ACSM1: variants seen among roughly 807,000 people sequenced by gnomAD.
ACSM1 encodes the protein acyl-coenzyme A synthetase ACSM1, mitochondrial.
ACSM1 carries 79 observed loss-of-function variants against 75.8 expected under a neutral mutation model. The observed-to-expected ratio is 1.04, with a 90% CI of 0.87 to 1.26. ACSM1 has a LOEUF of 1.26. ACSM1 is among the 50% of genes most tolerant of loss of function. The pLI is 0.00. For missense variants in ACSM1, 676 were observed against 720.1 expected (o/e 0.94, Z 0.70); for synonymous variants, 279 against 265.8 (o/e 1.05, Z -0.48).
In ACSM1 at chr16:20,685,547, C is replaced by T. The variant is rs183409660; in HGVS notation, c.193-144G>A. 2,022 of 773,176 alleles carry T rather than the reference C, an allele frequency of 2.6e-3. 8 individuals carry two copies. Among genetic ancestry groups the T allele is most frequent in the Non-Finnish European group, 3.7e-3 (1,698 of 461,046 alleles). 47.9% of individuals were successfully genotyped at this position (773,176 alleles called of 1,614,324 possible). On this transcript the variant is annotated intron_variant, in intron 2 of 13. Coordinates refer to ENST00000520010, the MANE Select transcript of ACSM1 (RefSeq NM_001318890.3). The stretch of plus-strand genomic sequence containing the variant: ...ATTTTAAAACATTTATACAGCCAGG[C>T]GCAGTGGCTCATGCTTGTAATTCCA...
intron 3 of ACSM1, 137 bp downstream of exon 3, chr16:20,685,056 T>C (rs2079521610): frequency 1.2e-6 from 1 of 827,186 alleles, no homozygotes; most frequent in Non-Finnish European, 2.0e-6. Flanking sequence ...CCTTGCTTTG[T>C]GGTCCCAGCA....
intron 9 of ACSM1, 104 bp downstream of exon 9, chr16:20,637,267 G>A: frequency 1.1e-6 from 1 of 920,934 alleles, no homozygotes; most frequent in Non-Finnish European, 1.8e-6. Context: ...GAGGAGGAAG[G>A]ATGACTGGAG....
intron 7 of ACSM1, among the ~76,000 whole-genome samples, chr16:20,661,096 G>A (rs941331864): frequency 2.6e-5 from 4 of 152,162 alleles, no homozygotes; most frequent in South Asian, 2.1e-4. Context: ...ACACCAGGGT[G>A]CATGTCCTAG....
chr16:20,637,527 G>A, intron 8 of ACSM1, 76 bp from the exon 9 acceptor site: 1 of 1,217,450 alleles, frequency 8.2e-7, no homozygotes, highest in Middle Eastern at 2.7e-4. Context: ...ATCATACACA[G>A]CATCCTCTGC....
chr16:20,675,051 G>A (rs895964851), intron 4 of ACSM1, among the ~76,000 whole-genome samples: 2 of 152,192 alleles, frequency 1.3e-5, no homozygotes, highest in Non-Finnish European at 2.9e-5. Context: ...TTTGCTGGCA[G>A]AATGGTAAGA....
chr16:20,670,511 A>C (rs1390186968), intron 5 of ACSM1, among the ~76,000 whole-genome samples: 2 of 152,186 alleles, frequency 1.3e-5, no homozygotes, highest in African/African-American at 4.8e-5. Flanking sequence ...ATCTTATCAA[A>C]ATACAAATTT....
chr16:20,642,261 T>C (rs1254657603), intron 7 of ACSM1, among the ~76,000 whole-genome samples: 3 of 152,200 alleles, frequency 2.0e-5, no homozygotes, highest in East Asian at 3.9e-4. Context: ...ACCTCAGATT[T>C]TGAATGTGAG....
chr16:20,658,077 T>C (rs1056571565), intron 7 of ACSM1, among the ~76,000 whole-genome samples: 14 of 152,196 alleles, frequency 9.2e-5, no homozygotes, highest in African/African-American at 3.4e-4. Context: ...TACATGTGCA[T>C]GTGTCTTTAT....
chr16:20,658,297 A>T (rs2019095087), intron 7 of ACSM1, among the ~76,000 whole-genome samples: 2 of 152,164 alleles, frequency 1.3e-5, no homozygotes, highest in Admixed American at 1.3e-4. Context: ...AATGATCGCC[A>T]TTCTAACTGG....
intron 2 of ACSM1, among the ~76,000 whole-genome samples, chr16:20,686,029 C>A (rs562800723): frequency 6.6e-6 from 1 of 151,946 alleles, no homozygotes; most frequent in East Asian, 1.9e-4. Flanking sequence ...CTTCTCTGTG[C>A]CTTAGTTTCT....
intron 7 of ACSM1, among the ~76,000 whole-genome samples, chr16:20,657,911 T>C (rs1256285947): frequency 2.6e-5 from 4 of 152,148 alleles, no homozygotes; most frequent in African/African-American, 4.8e-5. Flanking sequence ...TCCAGCCTCA[T>C]CTATGTCCCT....
At chr16:20,683,992 T>G (rs779681408) in intron 3 of ACSM1, among the ~76,000 whole-genome samples, 3 of 152,142 alleles carry the variant, frequency 2.0e-5, no homozygotes, top group Admixed American at 6.5e-5. Context: ...AATCACCTAT[T>G]TTATTTGTGA....
At chr16:20,663,647 A>G (rs1459554926) in intron 6 of ACSM1, among the ~76,000 whole-genome samples, 1 of 152,194 alleles carries the variant, frequency 6.6e-6, no homozygotes, top group African/African-American at 2.4e-5. Context: ...GTGCATGTGA[A>G]GTAGCAAAAG....
intron 4 of ACSM1, among the ~76,000 whole-genome samples, chr16:20,672,893 TAATAAATATA>T (rs1406773657): frequency 7.7e-6 from 1 of 130,668 alleles, no homozygotes; most frequent in Admixed American, 8.1e-5. Context: ...ATATAATATA[TAATAAATATA>T]AATATATATA....
chr16:20,677,503 C>T (rs943559234), intron 4 of ACSM1, among the ~76,000 whole-genome samples: 19 of 152,194 alleles, frequency 1.2e-4, no homozygotes, highest in African/African-American at 4.3e-4. Flanking sequence ...ACCCTAAACC[C>T]GGCTACCTTG....
At chr16:20,672,471 A>AAAAAATATATATATATAT (rs1555473775) in intron 4 of ACSM1, among the ~76,000 whole-genome samples, 1 of 64,562 alleles carries the variant, frequency 1.5e-5, no homozygotes, top group Non-Finnish European at 2.6e-5. Context: ...AAAAAAAAAA[A>AAAAAATATATATATATAT]ATATATATAT....
intron 7 of ACSM1, among the ~76,000 whole-genome samples, chr16:20,649,416 G>A (rs1186329772): frequency 6.6e-6 from 1 of 152,074 alleles, no homozygotes; most frequent in East Asian, 1.9e-4. Flanking sequence ...GTCCCTTGTG[G>A]GAAAAGTCCA....
At chr16:20,685,832 C>CAAAA (rs1469791653) in intron 2 of ACSM1, among the ~76,000 whole-genome samples, 1 of 72,132 alleles carries the variant, frequency 1.4e-5, no homozygotes, top group Non-Finnish European at 2.5e-5. Context: ...AAAAAAAAAA[C>CAAAA]AAACAAAAAA....
rs573874915 is a variant in ACSM1 at position 20,685,124 on chromosome 16, C to T, written c.403+69G>A. 1.3e-4 allele frequency: 198 copies of T among 1,547,666 alleles called. No individual in the cohort carries two copies. In the African/African-American group the frequency reaches 2.4e-3, roughly 19 times the overall value. On this transcript the variant is annotated intron_variant, in intron 3 of 13. Transcript: ENST00000520010. ...CAGTGCCAGGCTGGGTGCACAGCAC[C>T]TAATATCTCAGGACCCATTGGTTCT... is the stretch of plus-strand genomic sequence containing the variant.
Sources: gnomAD v4.1 joint callset for allele counts (sites outside exome capture counted in the v4.1 genomes callset) on GRCh38, gnomAD v4.1.1 for gene constraint, MANE v1.5 for transcripts, NCBI Gene and HGNC (gene_info 2026-07-23, HGNC 2026-07-21) for gene names.